The following EDA variants were observed in gnomAD, a reference collection of about 807,000 sequenced individuals.
EDA encodes the protein ectodysplasin A.
A neutral mutation model predicts 23.6 loss-of-function variants in EDA; 2 were observed. The observed-to-expected ratio is 0.08, with a 90% CI of 0.03 to 0.27. The LOEUF (loss-of-function observed/expected upper bound fraction) is 0.27. EDA is among the 10% of genes least tolerant of loss of function. EDA has a pLI of 1.00. For missense variants in EDA, 229 were observed against 324.2 expected, an observed-to-expected ratio of 0.71 and a Z score of 2.26; for synonymous variants, 131 against 132.0, an observed-to-expected ratio of 0.99 and a Z score of 0.05.
At chrX:69,970,891 T>A (rs1434539788) in intron 2 of EDA, among the ~76,000 whole-genome samples, 1 of 111,929 alleles carries the variant, frequency 8.9e-6, no homozygotes, top group Non-Finnish European at 1.9e-5. Flanking sequence ...GAGGACTATA[T>A]AGCATTGTAA....
At chrX:69,732,260 C>A (rs1042020244) in intron 1 of EDA, among the ~76,000 whole-genome samples, 1 of 111,061 alleles carries the variant, frequency 9.0e-6, no homozygotes, top group African/African-American at 3.3e-5. Context: ...CTTCCACCAC[C>A]CCACAACAGG....
intron 4 of EDA, among the ~76,000 whole-genome samples, chrX:70,028,894 G>A (rs1310120443): frequency 1.8e-5 from 2 of 112,400 alleles, no homozygotes; most frequent in Non-Finnish European, 3.8e-5. Flanking sequence ...TTCTCCAGGG[G>A]CAAGAATTCT....
At chrX:70,015,101 C>A (rs2019927848) in intron 2 of EDA, among the ~76,000 whole-genome samples, 1 of 111,308 alleles carries the variant, frequency 9.0e-6, no homozygotes, top group African/African-American at 3.3e-5. Context: ...ACAACCATCC[C>A]CAAGACACAT....
intron 1 of EDA, among the ~76,000 whole-genome samples, chrX:69,903,196 G>C (rs1456687130): frequency 9.0e-6 from 1 of 111,102 alleles, no homozygotes; most frequent in African/African-American, 3.3e-5. Context: ...CTACTTACAT[G>C]TATGCAGCTA....
intron 2 of EDA, among the ~76,000 whole-genome samples, chrX:69,991,837 T>C (rs1378845301): frequency 8.9e-6 from 1 of 112,021 alleles, no homozygotes; most frequent in Non-Finnish European, 1.9e-5. Flanking sequence ...TGGATTATCT[T>C]CTGTTGCTAG....
chrX:69,937,438 C>T, intron 1 of EDA: 1 of 773,144 alleles, frequency 1.3e-6, no homozygotes, highest in Non-Finnish European at 2.0e-6. Flanking sequence ...TACTTCACAT[C>T]ATAAATGACA....
chrX:69,827,853 G>T lies in EDA; in HGVS notation c.397-129174G>T, dbSNP rs1396527709. ...GTTTTATCTACTTTTGGTCTTTGAT[G>T]ATGGTGATGTACAGATGGGTTTTTG... On this transcript the variant is annotated intron_variant, in intron 1 of 7. Coordinates refer to ENST00000374552, the MANE Select transcript of EDA (RefSeq NM_001399.5). 8.1e-5 allele frequency among the ~76,000 whole-genome samples: 9 copies of T among 111,626 alleles called. No individual in the cohort carries two copies. In the South Asian group the frequency reaches 2.6e-3, roughly 33 times the overall value.
At chrX:69,981,499 A>G (rs776280777) in intron 2 of EDA, among the ~76,000 whole-genome samples, 1 of 111,774 alleles carries the variant, frequency 8.9e-6, no homozygotes, top group East Asian at 2.8e-4. Context: ...TTCTGTTCCA[A>G]GTGAATGATG....
At chrX:69,741,226 A>G (rs1021531980) in intron 1 of EDA, among the ~76,000 whole-genome samples, 1 of 111,134 alleles carries the variant, frequency 9.0e-6, no homozygotes, top group Non-Finnish European at 1.9e-5. Context: ...ACTTTTTAAA[A>G]AGCTGTGTGT....
At chrX:69,868,581 G>A (rs913721368) in intron 1 of EDA, among the ~76,000 whole-genome samples, 2 of 112,094 alleles carry the variant, frequency 1.8e-5, no homozygotes, top group African/African-American at 6.5e-5. Context: ...TCACTGGTTC[G>A]AATCAGCAAA....
intron 1 of EDA, among the ~76,000 whole-genome samples, chrX:69,901,090 A>G (rs1190401776): frequency 8.9e-6 from 1 of 111,937 alleles, no homozygotes; most frequent in Admixed American, 9.5e-5. Context: ...CCAATCTATT[A>G]AGAAATGAAG....
At chrX:69,886,058 AAATGGCTCTG>A (rs1569364481) in intron 1 of EDA, among the ~76,000 whole-genome samples, 1 of 112,116 alleles carries the variant, frequency 8.9e-6, no homozygotes, top group Admixed American at 9.4e-5. Context: ...GCAGGTGCCT[AAATGGCTCTG>A]AATCCCATCT....
chrX:69,811,869 C>T (rs1457992353), intron 1 of EDA, among the ~76,000 whole-genome samples: 1 of 111,376 alleles, frequency 9.0e-6, no homozygotes, highest in Non-Finnish European at 1.9e-5. Context: ...GCTGGTTGTG[C>T]CTTGTGTGGT....
intron 1 of EDA, among the ~76,000 whole-genome samples, chrX:69,827,123 G>A (rs1556013382): frequency 1.8e-5 from 2 of 111,581 alleles, no homozygotes; most frequent in South Asian, 7.6e-4. Flanking sequence ...CTCTCTGGCT[G>A]CCCTTAACAT....
rs778752978 is a variant in EDA, at chrX:69,917,372, C to T, written c.397-39655C>T. On this transcript the variant is annotated intron_variant, in intron 1 of 7. Transcript: ENST00000374552. ...AAAAACTCTTGCAAATGAATCAAGA[C>T]ATGATTTCTACTTACAGAAAATAGG... is the stretch of plus-strand genomic sequence containing the variant. 4.9e-4 allele frequency among the ~76,000 whole-genome samples: 55 copies of T among 112,363 alleles called. 1 individual carries two copies. The highest frequency in any genetic ancestry group is 1.9e-4 in the Admixed American group (2 of 10,594).
chrX:69,920,659 A>G (rs2018416382), intron 1 of EDA, among the ~76,000 whole-genome samples: 1 of 111,055 alleles, frequency 9.0e-6, no homozygotes, highest in African/African-American at 3.3e-5. Flanking sequence ...TAGCAAAGGT[A>G]CATACTATCT....
At chrX:69,829,978 A>G (rs1034768307) in intron 1 of EDA, among the ~76,000 whole-genome samples, 1 of 111,553 alleles carries the variant, frequency 9.0e-6, no homozygotes, top group Non-Finnish European at 1.9e-5. Flanking sequence ...TATTTTCTAT[A>G]TTTGACAGTA....
At chrX:69,808,152 T>C (rs1231009528) in intron 1 of EDA, among the ~76,000 whole-genome samples, 1 of 111,958 alleles carries the variant, frequency 8.9e-6, no homozygotes, top group Admixed American at 9.5e-5. Flanking sequence ...TTTGGCTTCC[T>C]CTTTTTTCTT....
intron 1 of EDA, among the ~76,000 whole-genome samples, chrX:69,751,428 C>A (rs1274151944): frequency 8.9e-6 from 1 of 112,194 alleles, no homozygotes; most frequent in Non-Finnish European, 1.9e-5. Context: ...GTTACGGTGG[C>A]CTTGTAGTAT....
Sources: allele counts gnomAD v4.1 joint callset (sites outside exome capture counted in the v4.1 genomes callset), GRCh38; gene constraint gnomAD v4.1.1; transcripts MANE v1.5; gene names NCBI Gene and HGNC (gene_info 2026-07-23, HGNC 2026-07-21).